Variants in NR3C2 observed in about 807,000 individuals in gnomAD.
NR3C2 encodes the protein mineralocorticoid receptor.
A neutral mutation model predicts 86.4 loss-of-function variants in NR3C2; 15 were observed. That is an observed-to-expected ratio of 0.17 (90% confidence interval 0.12 to 0.27). The LOEUF (loss-of-function observed/expected upper bound fraction) is 0.27, where lower values mean the gene tolerates loss of function less well. NR3C2 is among the 10% of genes least tolerant of loss of function. The probability of loss-of-function intolerance (pLI) is 1.00; values close to 1 mark genes in which losing one functional copy is unlikely to be tolerated. For synonymous variants in NR3C2, 458 were observed against 450.5 expected (o/e 1.02, Z -0.21); for missense variants, 960 against 1,195.6 (o/e 0.80, Z 2.91).
At chr4:148,299,421 T>A (rs1579122996) in intron 2 of NR3C2, among the ~76,000 whole-genome samples, 1 of 152,164 alleles carries the variant, frequency 6.6e-6, no homozygotes, top group Admixed American at 6.5e-5. Context: ...GACTTTTCTA[T>A]GGCATTGTCC....
intron 4 of NR3C2, among the ~76,000 whole-genome samples, chr4:148,175,437 C>CA (rs1735330949): frequency 6.6e-6 from 1 of 152,134 alleles, no homozygotes; most frequent in Non-Finnish European, 1.5e-5. Flanking sequence ...GAGAACTGTT[C>CA]AACAGGATGG....
chr4:148,314,674 T>G (rs961632369), intron 2 of NR3C2, among the ~76,000 whole-genome samples: 1 of 152,184 alleles, frequency 6.6e-6, no homozygotes, highest in African/African-American at 2.4e-5. Flanking sequence ...AAGTATCTAA[T>G]GTCTACATTG....
Position 148,260,133 on chromosome 4 carries a change from G to T in NR3C2, c.1758-16C>A. 2 of 1,613,846 alleles carry T rather than the reference G, an allele frequency of 1.2e-6. No homozygotes were observed. The highest frequency in any genetic ancestry group is 3.3e-4 in the Middle Eastern group (2 of 6,062). On this transcript the variant is annotated splice_polypyrimidine_tract_variant and intron_variant, in intron 2 of 8. Coordinates refer to ENST00000358102, the MANE Select transcript of NR3C2 (RefSeq NM_000901.5). ...TAAAGTAGAGCTGGGGAAAGAAATTGAGATTTAAATAACTACACCGTAAAG... is the reference window on the plus strand; with the variant it reads ...TAAAGTAGAGCTGGGGAAAGAAATTTAGATTTAAATAACTACACCGTAAAG...
chr4:148,265,484 T>C (rs1032620395), intron 2 of NR3C2, among the ~76,000 whole-genome samples: 4 of 152,236 alleles, frequency 2.6e-5, no homozygotes, highest in Non-Finnish European at 4.4e-5. Flanking sequence ...AATTATCATA[T>C]GTAAAACTAT....
At chr4:148,297,184 T>C (rs191476258) in intron 2 of NR3C2, among the ~76,000 whole-genome samples, 269 of 152,274 alleles carry the variant, frequency 1.8e-3, no homozygotes, top group African/African-American at 5.9e-3. Context: ...AATGAAGAAA[T>C]GACACACCAC....
chr4:148,410,527 C>T (rs997154791), intron 2 of NR3C2, among the ~76,000 whole-genome samples: 1 of 152,142 alleles, frequency 6.6e-6, no homozygotes, highest in Non-Finnish European at 1.5e-5. Flanking sequence ...GAACTGTTAA[C>T]ACTACATCCT....
chr4:148,085,066 C>T (rs1730750136), intron 8 of NR3C2, among the ~76,000 whole-genome samples: 1 of 152,168 alleles, frequency 6.6e-6, no homozygotes, highest in South Asian at 2.1e-4. Context: ...GAGACTTTAA[C>T]ACCCCACTGT....
At chr4:148,417,330 G>A (rs1028052946) in intron 2 of NR3C2, among the ~76,000 whole-genome samples, 3 of 152,020 alleles carry the variant, frequency 2.0e-5, no homozygotes, top group Non-Finnish European at 4.4e-5. Context: ...TCCTTCTACC[G>A]CTCTCTTCTT....
Position 148,435,978 on chromosome 4 carries a change from A to T in NR3C2, c.883T>A (p.Ser295Thr). ...VSSPNNVTLR[S>T]SVSSPANINN... ...ATATTTGCAGGGCTAGACACAGAGG[A>T]TCTCAGAGTGACATTATTGGGACTG... Residue 295 changes from serine (S) to threonine (T), a missense_variant, in exon 2 of 9, where the codon TCC (serine) becomes ACC (threonine). Transcript: ENST00000358102. 1 of 1,614,148 alleles carries T rather than the reference A, an allele frequency of 6.2e-7. No homozygotes were observed. The highest frequency in any genetic ancestry group is 8.5e-7 in the Non-Finnish European group (1 of 1,180,038).
intron 8 of NR3C2, among the ~76,000 whole-genome samples, chr4:148,088,183 A>G (rs1164416599): frequency 6.6e-6 from 1 of 152,234 alleles, no homozygotes; most frequent in East Asian, 1.9e-4. Context: ...GCCAGTTAGA[A>G]TGGTGATCAC....
At chr4:148,210,029 T>C (rs1275411848) in intron 3 of NR3C2, among the ~76,000 whole-genome samples, 1 of 152,166 alleles carries the variant, frequency 6.6e-6, no homozygotes, top group African/African-American at 2.4e-5. Context: ...CCAAGTTATA[T>C]GTCAGCAAGG....
chr4:148,203,271 C>T (rs1736823611), intron 3 of NR3C2, among the ~76,000 whole-genome samples: 2 of 151,662 alleles, frequency 1.3e-5, no homozygotes, highest in Admixed American at 6.6e-5. Flanking sequence ...CTACCCCGGT[C>T]GATACTCTAG....
chr4:148,252,816 G>GT (rs987623993), intron 3 of NR3C2, among the ~76,000 whole-genome samples: 29 of 151,680 alleles, frequency 1.9e-4, no homozygotes, highest in South Asian at 6.3e-4. Context: ...CCTTCCTGTT[G>GT]TTTTTTTTGT....
In NR3C2 at chr4:148,136,799, C is replaced by G. The variant is rs111525389; in HGVS notation, c.2510+15670G>C. ...GTAGCTGCCACCTGCTTTTTAAACT[C>G]GAGTGCCCATCCATAACACCTGTCA... is the stretch of plus-strand genomic sequence containing the variant. On this transcript the variant is annotated intron_variant, in intron 6 of 8. Transcript: ENST00000358102. 6.2e-3 allele frequency among the ~76,000 whole-genome samples: 948 copies of G among 152,206 alleles called. 3 individuals carry two copies. The highest frequency in any genetic ancestry group is 8.5e-3 in the Non-Finnish European group (579 of 67,992).
chr4:148,116,613 A>G (rs1484076248), intron 7 of NR3C2, among the ~76,000 whole-genome samples: 1 of 152,246 alleles, frequency 6.6e-6, no homozygotes, highest in Non-Finnish European at 1.5e-5. Flanking sequence ...CATGTGTTCT[A>G]TCATAGATTA....
At chr4:148,336,181 C>T (rs1013000473) in intron 2 of NR3C2, among the ~76,000 whole-genome samples, 26 of 152,074 alleles carry the variant, frequency 1.7e-4, no homozygotes, top group Admixed American at 1.3e-3. Context: ...AGTGTTCCTA[C>T]GGGTGGCAAG....
chr4:148,349,882 AATGTT>A (rs113617346), intron 2 of NR3C2, among the ~76,000 whole-genome samples: 60 of 152,174 alleles, frequency 3.9e-4, no homozygotes, highest in African/African-American at 1.3e-3. Flanking sequence ...CTCCCAAGGT[AATGTT>A]ATAAGGCTGC....
intron 2 of NR3C2, among the ~76,000 whole-genome samples, chr4:148,366,966 C>T (rs947179982): frequency 1.3e-5 from 2 of 152,128 alleles, no homozygotes; most frequent in African/African-American, 4.8e-5. Context: ...TAAAGGTTTG[C>T]TTATTTTCCA....
intron 2 of NR3C2, among the ~76,000 whole-genome samples, chr4:148,374,304 T>C (rs1328500885): frequency 6.6e-6 from 1 of 152,194 alleles, no homozygotes; most frequent in African/African-American, 2.4e-5. Context: ...ATTCATAAAT[T>C]CCAGTCTCTT....
Sources: allele counts gnomAD v4.1 joint callset (sites outside exome capture counted in the v4.1 genomes callset), GRCh38; gene constraint gnomAD v4.1.1; transcripts MANE v1.5; gene names NCBI Gene and HGNC (gene_info 2026-07-23, HGNC 2026-07-21).